PAK5: variants seen among roughly 807,000 people sequenced by gnomAD.
PAK5 encodes serine/threonine-protein kinase PAK 5.
Under a neutral mutation model 65.9 loss-of-function variants are expected in PAK5, and 16 were observed. That is an observed-to-expected ratio of 0.24 (90% CI 0.16 to 0.37). The LOEUF (loss-of-function observed/expected upper bound fraction) is 0.37, where lower values mean the gene tolerates loss of function less well. PAK5 is among the 10% of genes least tolerant of loss of function. The pLI is 1.00. For missense variants in PAK5, 785 were observed against 903.9 expected, an observed-to-expected ratio of 0.87 and a Z score of 1.69; for synonymous variants, 371 against 354.9, an observed-to-expected ratio of 1.05 and a Z score of -0.51.
rs2045679132 is a variant in PAK5, at chr20:9,566,303, G to A, written c.1072C>T (p.Pro358Ser). The A allele has an allele frequency of 6.2e-7, 1 of 1,613,690 alleles. No homozygotes were observed. The highest frequency in any genetic ancestry group is 1.1e-5 in the South Asian group (1 of 91,072). Residue 358 changes from proline (P) to serine (S), a missense_variant, in exon 5 of 10, where the codon CCT becomes TCT. This residue lies in a region of PAK5 where 422 missense variants were observed against 413.3 expected (regional missense o/e 1.02). Transcript: ENST00000353224. ...TAGCCCGATTTGCTTTGACTTTGAG[G>A]TAGTTTGGCAGGGCCCCTGGGGTAG... ...DTYPRGPAKL[P>S]QSQSKSGYSS...
chr20:9,823,560 G>A (rs1248566571), intron 1 of PAK5, among the ~76,000 whole-genome samples: 1 of 152,146 alleles, frequency 6.6e-6, no homozygotes. Context: ...CTTGCCTTCC[G>A]CCATGTAAGA....
At chr20:9,799,484 A>G (rs1180241069) in intron 1 of PAK5, among the ~76,000 whole-genome samples, 4 of 152,132 alleles carry the variant, frequency 2.6e-5, no homozygotes, top group African/African-American at 9.6e-5. Context: ...GTATGATTAT[A>G]GCTCCATTAA....
intron 1 of PAK5, among the ~76,000 whole-genome samples, chr20:9,823,060 C>T (rs1378676511): frequency 6.6e-5 from 10 of 152,180 alleles, no homozygotes; most frequent in Admixed American, 6.5e-4. Context: ...GGTGATCAGG[C>T]CATCAGAGCT....
At chr20:9,574,468 G>A (rs1012013362) in intron 4 of PAK5, among the ~76,000 whole-genome samples, 3 of 152,162 alleles carry the variant, frequency 2.0e-5, no homozygotes, top group South Asian at 2.1e-4. Context: ...ATCCGTCATC[G>A]CCTGCAGTGA....
rs564908192 is a variant in PAK5 at position 9,671,177 on chromosome 20, C to A, written c.-11-26838G>T. On this transcript the variant is annotated intron_variant, in intron 2 of 9. Transcript: ENST00000353224. Reference sequence around the variant, plus strand: ...TAGCATGCTGTTTGGGTTACTGTAGCCTTGTAGTATAGTTTGAAGTCAGGT... The same window carrying A: ...TAGCATGCTGTTTGGGTTACTGTAGACTTGTAGTATAGTTTGAAGTCAGGT... Among the ~76,000 whole-genome samples the A allele has an allele frequency of 2.5e-3, 375 of 152,242 alleles. 1 individual carries two copies. Among genetic ancestry groups the A allele is most frequent in the Non-Finnish European group, 4.3e-3 (295 of 68,018 alleles).
intron 2 of PAK5, among the ~76,000 whole-genome samples, chr20:9,656,248 A>G (rs1243333308): frequency 6.6e-6 from 1 of 152,098 alleles, no homozygotes; most frequent in Non-Finnish European, 1.5e-5. Flanking sequence ...ATAGTAGATG[A>G]GCAGTAATAT....
At chr20:9,644,041 T>C in intron 3 of PAK5, 84 bp downstream of exon 3, 1 of 989,942 alleles carries the variant, frequency 1.0e-6, no homozygotes, top group East Asian at 2.4e-5. Flanking sequence ...TTAGGCATTT[T>C]ATAGCTTGCT....
rs902639296 is a variant in PAK5 at position 9,757,941 on chromosome 20, A to G, written c.-161-46506T>C. 5.9e-5 allele frequency among the ~76,000 whole-genome samples: 9 copies of G among 152,298 alleles called. No individual in the cohort carries two copies. The South Asian group carries it at 1.9e-3, about 32-fold the overall frequency. ...GCCAAGCCTCACAGTGACAAGAACAATCAAATGTTGAATTCGGGCACAGAC... is the reference window on the plus strand; with the variant it reads ...GCCAAGCCTCACAGTGACAAGAACAGTCAAATGTTGAATTCGGGCACAGAC... On this transcript the variant is annotated intron_variant, in intron 1 of 9. Coordinates refer to ENST00000353224, the MANE Select transcript of PAK5 (RefSeq NM_177990.4).
At chr20:9,712,458 C>T (rs1474422265) in intron 1 of PAK5, among the ~76,000 whole-genome samples, 1 of 152,022 alleles carries the variant, frequency 6.6e-6, no homozygotes, top group African/African-American at 2.4e-5. Context: ...ATTAAAAAGA[C>T]AAATTCCAGC....
chr20:9,809,549 G>A (rs1048986557), intron 1 of PAK5, among the ~76,000 whole-genome samples: 11 of 151,998 alleles, frequency 7.2e-5, no homozygotes, highest in African/African-American at 2.2e-4. Context: ...ACTTAATTGG[G>A]TGTATTTATA....
At chr20:9,578,059 G>T (rs1461166803) in intron 4 of PAK5, among the ~76,000 whole-genome samples, 1 of 152,164 alleles carries the variant, frequency 6.6e-6, no homozygotes, top group Non-Finnish European at 1.5e-5. Flanking sequence ...GACTTCTCAT[G>T]GATTTTCTTG....
intron 3 of PAK5, among the ~76,000 whole-genome samples, chr20:9,635,841 C>CTGTG (rs1379211674): frequency 1.3e-5 from 2 of 152,174 alleles, no homozygotes; most frequent in Admixed American, 1.3e-4. Flanking sequence ...GGAACCTAAT[C>CTGTG]TGTGAGCTTT....
chr20:9,742,266 T>C (rs888822904), intron 1 of PAK5, among the ~76,000 whole-genome samples: 2 of 152,180 alleles, frequency 1.3e-5, no homozygotes, highest in Non-Finnish European at 1.5e-5. Context: ...GCTTCTTCTA[T>C]GCAAAAGCCA....
At chr20:9,545,493 T>A (rs1343962154) in intron 7 of PAK5, among the ~76,000 whole-genome samples, 1 of 152,044 alleles carries the variant, frequency 6.6e-6, no homozygotes, top group African/African-American at 2.4e-5. Flanking sequence ...AGTGAAAAAA[T>A]TTTTAAAGGT....
intron 2 of PAK5, among the ~76,000 whole-genome samples, chr20:9,686,180 T>C (rs2047716279): frequency 6.6e-6 from 1 of 152,178 alleles, no homozygotes; most frequent in African/African-American, 2.4e-5. Context: ...GAAAACCATG[T>C]GGGCTATTTA....
At chr20:9,725,937 A>G (rs1309735030) in intron 1 of PAK5, among the ~76,000 whole-genome samples, 2 of 152,182 alleles carry the variant, frequency 1.3e-5, no homozygotes, top group Non-Finnish European at 2.9e-5. Context: ...AATTTCAGTA[A>G]TAAGAAAAAA....
intron 1 of PAK5, among the ~76,000 whole-genome samples, chr20:9,777,732 A>C (rs1409910675): frequency 6.6e-6 from 1 of 152,186 alleles, no homozygotes; most frequent in African/African-American, 2.4e-5. Flanking sequence ...TAGAAAGGAG[A>C]ACAAAACTAG....
chr20:9,555,004 T>A (rs2045484805), intron 7 of PAK5, among the ~76,000 whole-genome samples: 1 of 152,198 alleles, frequency 6.6e-6, no homozygotes, highest in African/African-American at 2.4e-5. Flanking sequence ...CTCCTTACCA[T>A]GCCTAAATTA....
intron 1 of PAK5, among the ~76,000 whole-genome samples, chr20:9,770,788 T>A (rs1241577579): frequency 6.6e-6 from 1 of 152,154 alleles, no homozygotes; most frequent in African/African-American, 2.4e-5. Flanking sequence ...TGAAGAATCG[T>A]TGGAGTTGAG....
Sources: gnomAD v4.1 joint callset for allele counts (sites outside exome capture counted in the v4.1 genomes callset) on GRCh38, gnomAD v4.1.1 for gene constraint, gnomAD v4.1.1 regional missense constraint, MANE v1.5 for transcripts, NCBI Gene and HGNC (gene_info 2026-07-23, HGNC 2026-07-21) for gene names.